The following CNTNAP2 variants were observed in gnomAD, a reference collection of about 807,000 sequenced individuals.
CNTNAP2 encodes contactin-associated protein-like 2.
Under a neutral mutation model 155.2 loss-of-function variants are expected in CNTNAP2, and 98 were observed. The observed-to-expected ratio is 0.63, with a 90% CI of 0.54 to 0.75. The LOEUF is 0.75. Ranked by LOEUF, CNTNAP2 falls within the 30% of genes least tolerant of loss-of-function variation. CNTNAP2 has a pLI of 0.00. For synonymous variants in CNTNAP2, 651 were observed against 631.2 expected, an observed-to-expected ratio of 1.03 and a Z score of -0.47; for missense variants, 1,727 against 1,688.1, an observed-to-expected ratio of 1.02 and a Z score of -0.40.
intron 1 of CNTNAP2, among the ~76,000 whole-genome samples, chr7:146,700,330 T>G (rs1430025431): frequency 2.0e-5 from 3 of 152,176 alleles, no homozygotes; most frequent in African/African-American, 7.2e-5. Context: ...ATCTGAAGGA[T>G]CTAAGAAAAA....
intron 10 of CNTNAP2, among the ~76,000 whole-genome samples, chr7:147,423,554 C>T (rs1000387435): frequency 6.6e-6 from 1 of 152,138 alleles, no homozygotes; most frequent in African/African-American, 2.4e-5. Context: ...ACCTCCTCAT[C>T]CTTGCAGATT....
intron 21 of CNTNAP2, among the ~76,000 whole-genome samples, chr7:148,368,690 C>G (rs1040821129): frequency 6.6e-6 from 1 of 152,138 alleles, no homozygotes; most frequent in Non-Finnish European, 1.5e-5. Context: ...CCAAGCTACC[C>G]GAGTGAGCAA....
chr7:146,480,799 C>T (rs1192742633), intron 1 of CNTNAP2, among the ~76,000 whole-genome samples: 2 of 150,630 alleles, frequency 1.3e-5, no homozygotes, highest in East Asian at 3.9e-4. Flanking sequence ...TCTCCTGCCT[C>T]AGCCTCCCGA....
rs1445644382 is a variant in CNTNAP2 at position 147,482,849 on chromosome 7, C to T, written c.1671-3086C>T. Among the ~76,000 whole-genome samples the T allele has an allele frequency of 4.6e-5, 7 of 152,008 alleles. No individual in the cohort carries two copies. The East Asian group carries it at 1.2e-3, about 25-fold the overall frequency. On this transcript the variant is annotated intron_variant, in intron 10 of 23. Transcript: ENST00000361727. ...TCACTTGAGGTCCGGAGTTCGGCACCAGCCTGACCAACATGGTGAAACCCT... is the reference window on the plus strand; with the variant it reads ...TCACTTGAGGTCCGGAGTTCGGCACTAGCCTGACCAACATGGTGAAACCCT...
intron 1 of CNTNAP2, among the ~76,000 whole-genome samples, chr7:146,134,615 C>T (rs1330600321): frequency 6.6e-6 from 1 of 150,400 alleles, no homozygotes; most frequent in African/African-American, 2.4e-5. Flanking sequence ...GAGTTTTTAG[C>T]ATGAAGTGTT....
At chr7:147,449,820 G>A (rs1797800593) in intron 10 of CNTNAP2, among the ~76,000 whole-genome samples, 2 of 152,180 alleles carry the variant, frequency 1.3e-5, no homozygotes, top group South Asian at 4.1e-4. Context: ...AAATTCAGAT[G>A]TGAAAATACA....
At chr7:146,312,282 G>A (rs1404460783) in intron 1 of CNTNAP2, among the ~76,000 whole-genome samples, 2 of 152,152 alleles carry the variant, frequency 1.3e-5, no homozygotes, top group Non-Finnish European at 2.9e-5. Context: ...GATTATGGGT[G>A]AGAGTTAGTT....
At chr7:146,902,764 C>T (rs904933903) in intron 3 of CNTNAP2, among the ~76,000 whole-genome samples, 2 of 152,210 alleles carry the variant, frequency 1.3e-5, no homozygotes, top group Non-Finnish European at 2.9e-5. Context: ...ACTTTCTTAT[C>T]CCCACCAATA....
At chr7:146,693,078 A>G (rs941552993) in intron 1 of CNTNAP2, among the ~76,000 whole-genome samples, 27 of 152,140 alleles carry the variant, frequency 1.8e-4, no homozygotes, top group African/African-American at 6.0e-4. Context: ...ATCACTTGAT[A>G]TCTCTGAAAT....
At chr7:147,443,601 C>G (rs1200295209) in intron 10 of CNTNAP2, among the ~76,000 whole-genome samples, 1 of 152,084 alleles carries the variant, frequency 6.6e-6, no homozygotes, top group Non-Finnish European at 1.5e-5. Context: ...GGGGGATGAT[C>G]GGTAGAGGCT....
intron 15 of CNTNAP2, among the ~76,000 whole-genome samples, chr7:147,986,003 G>C (rs955472017): frequency 1.3e-5 from 2 of 152,002 alleles, no homozygotes; most frequent in Non-Finnish European, 2.9e-5. Flanking sequence ...TTCCTGCTTG[G>C]GTACAGCTCT....
chr7:148,124,734 A>G (rs1161261205), intron 16 of CNTNAP2, among the ~76,000 whole-genome samples: 1 of 152,222 alleles, frequency 6.6e-6, no homozygotes, highest in Non-Finnish European at 1.5e-5. Context: ...TAAGGAAATG[A>G]GAGCATAGAG....
intron 4 of CNTNAP2, among the ~76,000 whole-genome samples, chr7:147,107,117 T>A (rs891691213): frequency 2.3e-4 from 35 of 152,154 alleles, no homozygotes; most frequent in African/African-American, 8.2e-4. Flanking sequence ...ACAGAAATAG[T>A]CTATTGAAAA....
intron 2 of CNTNAP2, among the ~76,000 whole-genome samples, chr7:146,819,448 C>T (rs1803234244): frequency 6.6e-6 from 1 of 152,264 alleles, no homozygotes; most frequent in Admixed American, 6.5e-5. Flanking sequence ...ATGCCACACA[C>T]TCTCACAGTT....
At chr7:146,203,510 A>AGGAC (rs1798899423) in intron 1 of CNTNAP2, among the ~76,000 whole-genome samples, 1 of 152,184 alleles carries the variant, frequency 6.6e-6, no homozygotes, top group African/African-American at 2.4e-5. Context: ...TGACCTCTCC[A>AGGAC]GGACCCTCCA....
intron 1 of CNTNAP2, among the ~76,000 whole-genome samples, chr7:146,187,452 C>T (rs1200192123): frequency 6.6e-6 from 1 of 152,166 alleles, no homozygotes; most frequent in Non-Finnish European, 1.5e-5. Flanking sequence ...CTCCATAGCA[C>T]ATACTATGTG....
At chr7:146,500,141 G>C (rs955340020) in intron 1 of CNTNAP2, among the ~76,000 whole-genome samples, 4 of 151,970 alleles carry the variant, frequency 2.6e-5, no homozygotes, top group African/African-American at 9.7e-5. Flanking sequence ...TATGTCATCT[G>C]AGAATAGGTG....
At chr7:147,747,761 C>G (rs901038778) in intron 13 of CNTNAP2, among the ~76,000 whole-genome samples, 4 of 152,168 alleles carry the variant, frequency 2.6e-5, no homozygotes, top group Non-Finnish European at 5.9e-5. Flanking sequence ...CAGTATTTGT[C>G]CCCATACAAA....
intron 4 of CNTNAP2, among the ~76,000 whole-genome samples, chr7:147,069,394 T>G (rs1799846383): frequency 6.6e-6 from 1 of 152,204 alleles, no homozygotes; most frequent in Non-Finnish European, 1.5e-5. Flanking sequence ...ATTCACAGAT[T>G]CTGTTCACCC....
Sources: allele counts gnomAD v4.1 joint callset (sites outside exome capture counted in the v4.1 genomes callset), GRCh38; gene constraint gnomAD v4.1.1; transcripts MANE v1.5; gene names NCBI Gene and HGNC (gene_info 2026-07-23, HGNC 2026-07-21).